GTF2I: variants seen among roughly 807,000 people sequenced by gnomAD.
The protein encoded by GTF2I is general transcription factor IIi.
Under a neutral mutation model 67.6 loss-of-function variants are expected in GTF2I, and 12 were observed. The observed-to-expected ratio is 0.18, with a 90% CI of 0.11 to 0.29. The LOEUF (loss-of-function observed/expected upper bound fraction) is 0.29. GTF2I is among the 10% of genes least tolerant of loss of function. The pLI is 1.00. For synonymous variants in GTF2I, 149 were observed against 197.0 expected (o/e 0.76, Z 2.04); for missense variants, 271 against 580.1 (o/e 0.47, Z 5.47).
intron 1 of GTF2I, among the ~76,000 whole-genome samples, chr7:74,676,769 A>T (rs587745537): frequency 1.3e-5 from 2 of 152,214 alleles, no homozygotes; most frequent in African/African-American, 4.8e-5. Context: ...AAATACCAAC[A>T]ATTTGGCTGG....
chr7:74,667,070 T>C (rs1805047122), intron 1 of GTF2I, among the ~76,000 whole-genome samples: 1 of 151,916 alleles, frequency 6.6e-6, no homozygotes. Flanking sequence ...ACTTGAACCC[T>C]GGAGGCGGAG....
Position 74,700,594 on chromosome 7 carries a change from G to C in GTF2I, c.558-12G>C, listed in dbSNP as rs781943378. 6 of 1,613,800 alleles carry C rather than the reference G, an allele frequency of 3.7e-6. No individual in the cohort carries two copies. In the South Asian group the frequency reaches 6.6e-5, roughly 18 times the overall value. On this transcript the variant is annotated splice_polypyrimidine_tract_variant and intron_variant, in intron 5 of 34. Coordinates refer to ENST00000573035, the MANE Select transcript of GTF2I (RefSeq NM_032999.4). ...TTCATACGAAGTTTTGTTTTGTTTT[G>C]TTTTAATGCAGACCTTTTTTAGAGC...
At chr7:74,722,385 A>AT (rs748597730) in intron 12 of GTF2I, among the ~76,000 whole-genome samples, 15 of 152,184 alleles carry the variant, frequency 9.9e-5, no homozygotes, top group Non-Finnish European at 1.8e-4. Flanking sequence ...GTTAAGGTGA[A>AT]TTGCCGTCAG....
intron 1 of GTF2I, among the ~76,000 whole-genome samples, chr7:74,660,761 A>G (rs1804415995): frequency 6.6e-6 from 1 of 151,522 alleles, no homozygotes; most frequent in Non-Finnish European, 1.5e-5. Context: ...AGCTGGGATT[A>G]CAGGAGCGCT....
chr7:74,720,911 C>T (rs2131453097), intron 12 of GTF2I, among the ~76,000 whole-genome samples: 1 of 152,062 alleles, frequency 6.6e-6, no homozygotes, highest in South Asian at 2.1e-4. Flanking sequence ...TAGTATAAGA[C>T]TTTTAAAGAA....
chr7:74,702,973 G>C (rs1202996012), intron 6 of GTF2I, among the ~76,000 whole-genome samples: 1 of 152,038 alleles, frequency 6.6e-6, no homozygotes, highest in African/African-American at 2.4e-5. Context: ...CTGAGCTCAA[G>C]TGATCCGCCT....
intron 7 of GTF2I, among the ~76,000 whole-genome samples, 161 bp from the exon 8 acceptor site, chr7:74,706,229 A>G (rs1790661930): frequency 6.6e-6 from 1 of 152,202 alleles, no homozygotes; most frequent in South Asian, 2.1e-4. Flanking sequence ...AATAACTCTT[A>G]TTTATGCAAT....
chr7:74,689,965 C>A (rs1347788282), intron 2 of GTF2I, among the ~76,000 whole-genome samples: 1 of 152,024 alleles, frequency 6.6e-6, no homozygotes, highest in Admixed American at 6.6e-5. Context: ...GATCCACCCA[C>A]CTTGGCCTCC....
At chr7:74,719,963 G>A (rs1411659524) in intron 12 of GTF2I, among the ~76,000 whole-genome samples, 1 of 152,052 alleles carries the variant, frequency 6.6e-6, no homozygotes. Context: ...CAATACTTGT[G>A]TAAGTTTCTT....
At chr7:74,701,494 G>A (rs371691649) in intron 6 of GTF2I, among the ~76,000 whole-genome samples, 9 of 151,676 alleles carry the variant, frequency 5.9e-5, no homozygotes, top group African/African-American at 1.7e-4. Flanking sequence ...TTTTTGAGAC[G>A]GAGTCTTGCT....
chr7:74,680,099 A>AAAAAAATATATAT, intron 1 of GTF2I, among the ~76,000 whole-genome samples: 4 of 95,002 alleles, frequency 4.2e-5, no homozygotes, highest in African/African-American at 1.6e-4. Flanking sequence ...AAAAAAAAAA[A>AAAAAAATATATAT]ATATATATAT....
intron 3 of GTF2I, among the ~76,000 whole-genome samples, chr7:74,697,572 G>A (rs1554398644): frequency 6.6e-6 from 1 of 151,928 alleles, no homozygotes; most frequent in Non-Finnish European, 1.5e-5. Context: ...TTTTTGTGTC[G>A]ATAATCTTCT....
At chr7:74,674,314 C>T (rs1554391687) in intron 1 of GTF2I, among the ~76,000 whole-genome samples, 2 of 152,126 alleles carry the variant, frequency 1.3e-5, no homozygotes, top group Non-Finnish European at 2.9e-5. Context: ...AGCCCTCCCA[C>T]GTCAGCATCC....
chr7:74,678,237 T>C (rs1786869517), intron 1 of GTF2I, among the ~76,000 whole-genome samples: 1 of 151,352 alleles, frequency 6.6e-6, no homozygotes, highest in East Asian at 1.9e-4. Flanking sequence ...TTTTTTTTTT[T>C]TAACTCAAGC....
intron 8 of GTF2I, among the ~76,000 whole-genome samples, chr7:74,709,368 C>T (rs1159483836): frequency 2.0e-5 from 3 of 152,152 alleles, no homozygotes; most frequent in African/African-American, 7.2e-5. Flanking sequence ...CCCACCTCAG[C>T]CTCCCGAGCA....
At chr7:74,700,138 A>G (rs1239133010) in intron 4 of GTF2I, 109 bp from the exon 5 acceptor site, 11 of 1,098,164 alleles carry the variant, frequency 1.0e-5, no homozygotes, top group African/African-American at 1.6e-5. Context: ...TTGAAATCAT[A>G]TATTATAAAA....
At chr7:74,659,220 G>C (rs1804247362) in intron 1 of GTF2I, among the ~76,000 whole-genome samples, 2 of 151,890 alleles carry the variant, frequency 1.3e-5, no homozygotes, top group Non-Finnish European at 2.9e-5. Context: ...ATCGCTTTCG[G>C]CTTAATTTTC....
chr7:74,670,699 CA>C (rs1168333438), intron 1 of GTF2I, among the ~76,000 whole-genome samples: 5 of 91,026 alleles, frequency 5.5e-5, no homozygotes, highest in South Asian at 7.1e-4. Context: ...CAAAAAAAAA[CA>C]AAAAAAAAAC....
rs1584182867 is a variant in GTF2I, at chr7:74,699,194, A to AT, written c.373+103dup. The AT allele has an allele frequency of 2.8e-5, 15 of 536,148 alleles. No individual in the cohort carries two copies. In the East Asian group the frequency reaches 5.2e-4, roughly 19 times the overall value. The allele number at this position is 536,148 out of a possible 1,614,324, so 33.2% of individuals were successfully genotyped here. On this transcript the variant is annotated intron_variant, in intron 4 of 34. Transcript: ENST00000573035. ...TTGATTCGAAAATCATATAACACAC[A>AT]TTTTCAGTGACTGAATGGATTAGCA...
Sources: allele counts gnomAD v4.1 joint callset (sites outside exome capture counted in the v4.1 genomes callset), GRCh38; gene constraint gnomAD v4.1.1; transcripts MANE v1.5; gene names NCBI Gene and HGNC (gene_info 2026-07-23, HGNC 2026-07-21).